Variants in C8orf34 observed in about 807,000 individuals in gnomAD.
The protein encoded by C8orf34 is uncharacterized protein C8orf34.
In C8orf34, 65 loss-of-function variants were observed where a neutral mutation model predicts 68.3. That is an observed-to-expected ratio of 0.95 (90% CI 0.78 to 1.17). C8orf34 has a LOEUF of 1.17. C8orf34 is among the 50% of genes most tolerant of loss of function. The pLI is 0.00. For missense variants in C8orf34, 664 were observed against 655.4 expected, an observed-to-expected ratio of 1.01 and a Z score of -0.14; for synonymous variants, 244 against 241.2, an observed-to-expected ratio of 1.01 and a Z score of -0.11.
intron 6 of C8orf34, among the ~76,000 whole-genome samples, chr8:68,525,363 AAGAAC>A (rs992625935): frequency 6.6e-6 from 1 of 152,250 alleles, no homozygotes; most frequent in African/African-American, 2.4e-5. Context: ...CAAGAAATCA[AAGAAC>A]AGAAGGCTTG....
At chr8:68,410,188 C>T (rs1563414669) in intron 1 of C8orf34, among the ~76,000 whole-genome samples, 1 of 152,096 alleles carries the variant, frequency 6.6e-6, no homozygotes, top group South Asian at 2.1e-4. Context: ...AATAGATACC[C>T]TCATTTGAAG....
intron 1 of C8orf34, among the ~76,000 whole-genome samples, chr8:68,402,354 C>G (rs529666243): frequency 6.6e-6 from 1 of 152,138 alleles, no homozygotes; most frequent in East Asian, 1.9e-4. Context: ...TTTCGAGGAA[C>G]TAATTTTTTC....
chr8:68,426,902 A>T (rs557223530), intron 1 of C8orf34, among the ~76,000 whole-genome samples: 2 of 152,038 alleles, frequency 1.3e-5, no homozygotes, highest in East Asian at 1.9e-4. Flanking sequence ...ACCAAACCAA[A>T]CAAAATCCTA....
intron 8 of C8orf34, among the ~76,000 whole-genome samples, chr8:68,688,107 A>G (rs1820575255): frequency 6.6e-6 from 1 of 152,056 alleles, no homozygotes; most frequent in African/African-American, 2.4e-5. Context: ...GAATGGCCAT[A>G]TTTAAAAAGT....
chr8:68,712,853 A>G (rs1251720527), intron 9 of C8orf34, among the ~76,000 whole-genome samples: 2 of 152,166 alleles, frequency 1.3e-5, no homozygotes, highest in African/African-American at 2.4e-5. Context: ...AGTGTACCCA[A>G]CAACTGCAGG....
rs558984160 is a variant in C8orf34, at chr8:68,789,735, C to T, written c.1549+2199C>T. On this transcript the variant is annotated intron_variant, in intron 12 of 13. Transcript: ENST00000518698. The stretch of plus-strand genomic sequence containing the variant: ...GAAAATGAATGGATTTATTTTTTTC[C>T]AACTTGTTTATCAGGACAGCTAGAA... Among the ~76,000 whole-genome samples, 8 of 151,628 alleles carry T rather than the reference C, an allele frequency of 5.3e-5. No homozygotes were observed. In the South Asian group the frequency reaches 1.5e-3, roughly 28 times the overall value.
intron 6 of C8orf34, 64 bp from the exon 7 acceptor site, chr8:68,532,919 T>A (rs958097621): frequency 1.7e-6 from 2 of 1,209,360 alleles, no homozygotes. Context: ...AATAACCAAA[T>A]GGAAATTTAT....
At chr8:68,615,887 C>G (rs1451309258) in intron 7 of C8orf34, among the ~76,000 whole-genome samples, 1 of 151,248 alleles carries the variant, frequency 6.6e-6, no homozygotes, top group Admixed American at 6.6e-5. Context: ...CCTTGTACCT[C>G]TGGTAGAATT....
intron 13 of C8orf34, among the ~76,000 whole-genome samples, 160 bp downstream of exon 13, chr8:68,816,105 A>AGTGTGTGTGTGTGTGTGT (rs71554629): frequency 1.1e-4 from 16 of 144,514 alleles, no homozygotes; most frequent in African/African-American, 4.1e-4. Context: ...ATTTCCTAAG[A>AGTGTGTGTGTGTGTGTGT]GTGTGTGTGT....
At position 68,386,859 on chromosome 8, in the gene C8orf34, T is replaced by TAG. The variant is rs376987928; in HGVS notation, c.328-52638_328-52637dup. Among the ~76,000 whole-genome samples, 192 of 152,032 alleles carry TAG rather than the reference T, an allele frequency of 1.3e-3. 1 individual carries two copies. Among genetic ancestry groups the TAG allele is most frequent in the African/African-American group, 4.6e-3 (190 of 41,476 alleles). Reference sequence around the variant, plus strand: ...GGCAGCATTGCTGGCTTTTACCAACTAGATGCCAGAAATAGCCCTCCCCCA... The same window carrying TAG: ...GGCAGCATTGCTGGCTTTTACCAACTAGAGATGCCAGAAATAGCCCTCCCCCA... On this transcript the variant is annotated intron_variant, in intron 1 of 13. Transcript: ENST00000518698.
chr8:68,640,512 G>A lies in C8orf34; in HGVS notation c.1241+1G>A. The A allele has an allele frequency of 6.2e-7, 1 of 1,612,304 alleles. No homozygotes were observed. Among genetic ancestry groups the A allele is most frequent in the South Asian group, 1.1e-5 (1 of 90,740 alleles). ...TGAACATCTGTTCAAGGTGTGCCAG[G>A]TAAAAGACATAATAGGTATAGTATA... On this transcript the variant is annotated splice_donor_variant, in intron 8 of 13. Coordinates refer to ENST00000518698, the MANE Select transcript of C8orf34 (RefSeq NM_052958.4). LOFTEE classifies it high-confidence loss of function.
intron 5 of C8orf34, among the ~76,000 whole-genome samples, chr8:68,503,597 G>C (rs1231198569): frequency 1.3e-5 from 2 of 152,014 alleles, no homozygotes; most frequent in African/African-American, 4.8e-5. Context: ...TTGGGCACCT[G>C]TTGGGAAACA....
At chr8:68,677,359 C>T (rs1563603183) in intron 8 of C8orf34, among the ~76,000 whole-genome samples, 1 of 151,102 alleles carries the variant, frequency 6.6e-6, no homozygotes, top group Non-Finnish European at 1.5e-5. Flanking sequence ...AATGATGCAT[C>T]TTTTTTTTTC....
intron 12 of C8orf34, among the ~76,000 whole-genome samples, chr8:68,814,521 A>G (rs973778822): frequency 6.6e-6 from 1 of 151,964 alleles, no homozygotes; most frequent in African/African-American, 2.4e-5. Flanking sequence ...TCCATATACA[A>G]CCTCCACCTT....
chr8:68,415,143 T>A (rs1013917590), intron 1 of C8orf34, among the ~76,000 whole-genome samples: 2 of 152,174 alleles, frequency 1.3e-5, no homozygotes, highest in African/African-American at 4.8e-5. Context: ...ACAGGAATCA[T>A]GTTTTCCATC....
rs1217989904 is a variant in C8orf34 at position 68,815,971 on chromosome 8, T to C, written c.1609+26T>C. The C allele has an allele frequency of 1.9e-6, 3 of 1,613,530 alleles. No individual in the cohort carries two copies. In the African/African-American group the frequency reaches 4.0e-5, roughly 22 times the overall value. ...GTATGTTTGCTCAGGGCACTTAATATCGATGTCGGGTAATGGCGGGTACCT... is the reference window on the plus strand; with the variant it reads ...GTATGTTTGCTCAGGGCACTTAATACCGATGTCGGGTAATGGCGGGTACCT... On this transcript the variant is annotated intron_variant, in intron 13 of 13. Transcript: ENST00000518698.
At chr8:68,507,579 C>T (rs185689189) in intron 5 of C8orf34, among the ~76,000 whole-genome samples, 12 of 152,252 alleles carry the variant, frequency 7.9e-5, no homozygotes, top group East Asian at 1.9e-4. Flanking sequence ...TATTGTTCTC[C>T]GCAGCTCTTG....
chr8:68,721,223 C>G (rs1821665470), intron 9 of C8orf34, 138 bp from the exon 10 acceptor site: 2 of 563,906 alleles, frequency 3.5e-6, no homozygotes, highest in East Asian at 3.2e-5. Flanking sequence ...ATTTCACGTT[C>G]TATTTTAACT....
At chr8:68,689,824 T>G (rs1196587096) in intron 8 of C8orf34, among the ~76,000 whole-genome samples, 1 of 152,004 alleles carries the variant, frequency 6.6e-6, no homozygotes, top group East Asian at 1.9e-4. Flanking sequence ...ATTGGGTGCC[T>G]TCCCTAGTCT....
Sources: gnomAD v4.1 joint callset for allele counts (sites outside exome capture counted in the v4.1 genomes callset) on GRCh38, gnomAD v4.1.1 for gene constraint, MANE v1.5 for transcripts, NCBI Gene and HGNC (gene_info 2026-07-23, HGNC 2026-07-21) for gene names.